TRAPPC9: variants seen among roughly 807,000 people sequenced by gnomAD.
The protein encoded by TRAPPC9 is IKK2 binding protein.
Under a neutral mutation model 124.0 loss-of-function variants are expected in TRAPPC9, and 83 were observed. The observed-to-expected ratio is 0.67, with a 90% confidence interval of 0.56 to 0.80. TRAPPC9 has a LOEUF of 0.80. TRAPPC9 is among the 30% of genes least tolerant of loss of function. The pLI, the probability that TRAPPC9 is intolerant of heterozygous loss-of-function variation, is 0.00. For missense variants in TRAPPC9, 1,302 were observed against 1,508.3 expected (o/e 0.86, Z 2.27); for synonymous variants, 638 against 617.5 (o/e 1.03, Z -0.49).
In TRAPPC9 at chr8:140,175,944, C is replaced by T. The variant is rs540180966; in HGVS notation, c.2556+45515G>A. Among the ~76,000 whole-genome samples, 5 of 152,354 alleles carry T rather than the reference C, an allele frequency of 3.3e-5. No homozygotes were observed. The South Asian group carries it at 6.2e-4, about 19-fold the overall frequency. On this transcript the variant is annotated intron_variant, in intron 17 of 22. Transcript: ENST00000438773. Reference sequence around the variant, plus strand: ...GGCAGTGAATGTGCATGCCAGACATCGGGCTATGCCCTGAGGACAGACACG... The same window carrying T: ...GGCAGTGAATGTGCATGCCAGACATTGGGCTATGCCCTGAGGACAGACACG...
intron 21 of TRAPPC9, among the ~76,000 whole-genome samples, chr8:139,765,278 G>C (rs1056782785): frequency 3.9e-5 from 6 of 152,234 alleles, no homozygotes; most frequent in Non-Finnish European, 5.9e-5. Flanking sequence ...GGGAGGAAAA[G>C]CCAGGCTGAG....
intron 21 of TRAPPC9, among the ~76,000 whole-genome samples, chr8:139,884,071 T>G (rs1022725766): frequency 6.6e-6 from 1 of 152,128 alleles, no homozygotes; most frequent in African/African-American, 2.4e-5. Flanking sequence ...CACACATTGC[T>G]CTGAGGCTCA....
intron 17 of TRAPPC9, among the ~76,000 whole-genome samples, chr8:140,061,566 C>T (rs76227160): frequency 0.01 from 1,567 of 152,240 alleles, 26 homozygotes; most frequent in African/African-American, 0.036. Context: ...AAAGGAGAGG[C>T]GCCCTGTCCA....
intron 8 of TRAPPC9, among the ~76,000 whole-genome samples, chr8:140,362,277 C>A (rs757151083): frequency 6.6e-6 from 1 of 152,132 alleles, no homozygotes; most frequent in Non-Finnish European, 1.5e-5. Flanking sequence ...TGAAAGGAAA[C>A]CCTCCCATGT....
intron 17 of TRAPPC9, among the ~76,000 whole-genome samples, chr8:140,183,289 A>G (rs1000562511): frequency 2.0e-5 from 3 of 152,200 alleles, no homozygotes; most frequent in African/African-American, 7.2e-5. Context: ...GATAAACTGG[A>G]ACAAAACGTG....
intron 21 of TRAPPC9, among the ~76,000 whole-genome samples, chr8:139,878,956 T>C (rs1333326622): frequency 2.0e-5 from 3 of 152,220 alleles, no homozygotes; most frequent in East Asian, 3.9e-4. Context: ...CTCAAAACTA[T>C]GTACAAATTC....
intron 17 of TRAPPC9, among the ~76,000 whole-genome samples, chr8:140,187,362 C>T (rs755445999): frequency 1.3e-4 from 20 of 152,246 alleles, no homozygotes; most frequent in South Asian, 4.1e-4. Context: ...CATCCCAACT[C>T]GGAAAATCTG....
At chr8:140,094,301 C>T (rs895857664) in intron 17 of TRAPPC9, among the ~76,000 whole-genome samples, 1 of 152,210 alleles carries the variant, frequency 6.6e-6, no homozygotes, top group Non-Finnish European at 1.5e-5. Context: ...GGTCATCTTC[C>T]ATTTTGCAGA....
chr8:140,273,746 T>A (rs895643147), intron 15 of TRAPPC9, among the ~76,000 whole-genome samples: 1 of 152,104 alleles, frequency 6.6e-6, no homozygotes, highest in African/African-American at 2.4e-5. Flanking sequence ...CCTCCCAGAG[T>A]CCCACTTCCG....
intron 12 of TRAPPC9, among the ~76,000 whole-genome samples, chr8:140,289,216 T>C (rs1404611113): frequency 1.4e-5 from 2 of 147,190 alleles, no homozygotes; most frequent in African/African-American, 5.1e-5. Context: ...TGTGTGTGTG[T>C]TCTCATGTAT....
chr8:140,061,452 C>T (rs922453122), intron 17 of TRAPPC9, among the ~76,000 whole-genome samples: 1 of 152,106 alleles, frequency 6.6e-6, no homozygotes, highest in Admixed American at 6.5e-5. Flanking sequence ...TCAAGGAGCC[C>T]GCAGTCAAGC....
chr8:140,217,148 A>C (rs953970962), intron 17 of TRAPPC9, among the ~76,000 whole-genome samples: 5 of 152,220 alleles, frequency 3.3e-5, no homozygotes, highest in African/African-American at 4.8e-5. Flanking sequence ...AAAGAGGCAG[A>C]GTGAGGGAGG....
chr8:140,387,260 C>A (rs997549575), intron 7 of TRAPPC9, among the ~76,000 whole-genome samples: 1 of 152,072 alleles, frequency 6.6e-6, no homozygotes, highest in Non-Finnish European at 1.5e-5. Context: ...TAAGTTAAAA[C>A]CATAAAAACC....
At chr8:139,781,738 G>A (rs1397844471) in intron 21 of TRAPPC9, among the ~76,000 whole-genome samples, 1 of 152,142 alleles carries the variant, frequency 6.6e-6, no homozygotes, top group Non-Finnish European at 1.5e-5. Context: ...CTGTGTGTGC[G>A]GTGGGAGGGA....
intron 17 of TRAPPC9, chr8:140,099,918 G>C (rs1303692624): frequency 6.7e-6 from 1 of 148,798 alleles, no homozygotes; most frequent in Non-Finnish European, 1.5e-5. Context: ...GCTCACCCAG[G>C]TCCTCCGCAG....
chr8:140,416,656 T>C (rs1382655791), intron 5 of TRAPPC9, among the ~76,000 whole-genome samples: 1 of 152,214 alleles, frequency 6.6e-6, no homozygotes, highest in African/African-American at 2.4e-5. Context: ...AAGTAATTTA[T>C]AGATTCAATG....
At chr8:140,351,884 T>C (rs2067591742) in intron 9 of TRAPPC9, among the ~76,000 whole-genome samples, 1 of 152,172 alleles carries the variant, frequency 6.6e-6, no homozygotes. Flanking sequence ...TGTTGAGATA[T>C]AATTCACATA....
intron 17 of TRAPPC9, among the ~76,000 whole-genome samples, chr8:140,049,531 A>C (rs1412515110): frequency 6.6e-6 from 1 of 151,372 alleles, no homozygotes; most frequent in Non-Finnish European, 1.5e-5. Context: ...GCATGAAGAT[A>C]AATCCTACAG....
chr8:139,987,376 A>C (rs1338727458), intron 19 of TRAPPC9, among the ~76,000 whole-genome samples: 2 of 152,190 alleles, frequency 1.3e-5, no homozygotes, highest in African/African-American at 4.8e-5. Flanking sequence ...AAGGCATGAG[A>C]GTTCCTGTTG....
Sources: allele counts gnomAD v4.1 joint callset (sites outside exome capture counted in the v4.1 genomes callset), GRCh38; gene constraint gnomAD v4.1.1; transcripts MANE v1.5; gene names NCBI Gene and HGNC (gene_info 2026-07-23, HGNC 2026-07-21).